TENM4: variants seen among roughly 807,000 people sequenced by gnomAD.
The protein encoded by TENM4 is teneurin-4.
In TENM4, 82 loss-of-function variants were observed where a neutral mutation model predicts 243.3. The observed-to-expected ratio is 0.34, with a 90% CI of 0.28 to 0.40. The LOEUF (loss-of-function observed/expected upper bound fraction) is 0.40. Among genes scored for constraint, TENM4 ranks in the 10% least tolerant of loss-of-function variants. The pLI is 1.00. For synonymous variants in TENM4, 1,412 were observed against 1,456.3 expected, an observed-to-expected ratio of 0.97 and a Z score of 0.69; for missense variants, 3,138 against 3,673.3, an observed-to-expected ratio of 0.85 and a Z score of 3.77.
chr11:79,074,146 A>AT (rs545929671), intron 4 of TENM4, among the ~76,000 whole-genome samples: 12 of 151,830 alleles, frequency 7.9e-5, no homozygotes, highest in Admixed American at 2.0e-4. Flanking sequence ...TTTCCTTAAA[A>AT]TTTTTTTTTC....
intron 3 of TENM4, among the ~76,000 whole-genome samples, chr11:79,202,427 G>A (rs1863757976): frequency 6.6e-6 from 1 of 152,128 alleles, no homozygotes; most frequent in South Asian, 2.1e-4. Context: ...GTTTGTGATT[G>A]TTGCAAAAAT....
chr11:79,266,497 G>A (rs893815767), intron 2 of TENM4, among the ~76,000 whole-genome samples: 1 of 152,186 alleles, frequency 6.6e-6, no homozygotes, highest in Non-Finnish European at 1.5e-5. Context: ...GAGCTCCTGT[G>A]CCCCAGAGCC....
Position 78,824,405 on chromosome 11 carries a change from T to C in TENM4, c.1682-10010A>G, listed in dbSNP as rs376847016. On this transcript the variant is annotated intron_variant, in intron 12 of 33. Transcript: ENST00000278550. ...CAGATCTCGGGAGAACTCACTATCA[T>C]GAGGACAGTACCGAGGGGGATAGTA... 1.1e-3 allele frequency among the ~76,000 whole-genome samples: 163 copies of C among 152,184 alleles called. 1 individual carries two copies. In the South Asian group the frequency reaches 0.015, roughly 14 times the overall value.
intron 4 of TENM4, among the ~76,000 whole-genome samples, chr11:79,071,416 G>T (rs1860412091): frequency 6.6e-6 from 1 of 152,104 alleles, no homozygotes; most frequent in Non-Finnish European, 1.5e-5. Flanking sequence ...CTTGACAGCT[G>T]GGAGGGTGGG....
chr11:78,704,828 T>C (rs1859203415), intron 27 of TENM4, among the ~76,000 whole-genome samples: 1 of 152,244 alleles, frequency 6.6e-6, no homozygotes, highest in Admixed American at 6.5e-5. Context: ...ATACATTATA[T>C]ACACACGAGT....
intron 2 of TENM4, among the ~76,000 whole-genome samples, chr11:79,292,898 A>T (rs1399379248): frequency 6.6e-6 from 1 of 152,234 alleles, no homozygotes; most frequent in Non-Finnish European, 1.5e-5. Context: ...ATAGCCATGT[A>T]GCCATTTTCA....
intron 2 of TENM4, among the ~76,000 whole-genome samples, chr11:79,250,007 A>C (rs1264857564): frequency 6.6e-6 from 1 of 152,064 alleles, no homozygotes. Context: ...CTTTTTTTAG[A>C]TGGAGTCTTG....
chr11:79,142,457 G>A (rs1862304426), intron 4 of TENM4, among the ~76,000 whole-genome samples: 1 of 151,924 alleles, frequency 6.6e-6, no homozygotes, highest in Non-Finnish European at 1.5e-5. Flanking sequence ...AATGAAAACT[G>A]TAAAACATTG....
At chr11:78,844,851 A>G (rs979050574) in intron 12 of TENM4, among the ~76,000 whole-genome samples, 27 of 152,274 alleles carry the variant, frequency 1.8e-4, no homozygotes, top group African/African-American at 6.0e-4. Flanking sequence ...TAAACCACTC[A>G]GTTTGTGGTA....
intron 2 of TENM4, among the ~76,000 whole-genome samples, chr11:79,294,568 G>T (rs1054576951): frequency 1.3e-5 from 2 of 152,118 alleles, no homozygotes; most frequent in African/African-American, 2.4e-5. Flanking sequence ...TAAGTTGGGG[G>T]CCAGGCGCGG....
Position 78,661,462 on chromosome 11 carries a change from C to T in TENM4, c.7538G>A (p.Trp2513Ter). 1 of 1,609,210 alleles carries T rather than the reference C, an allele frequency of 6.2e-7. No individual in the cohort carries two copies. The highest frequency in any genetic ancestry group is 8.5e-7 in the Non-Finnish European group (1 of 1,177,962). Residue 2513 changes from tryptophan (W) to a stop codon, truncating the protein, a stop_gained, in exon 33 of 34, where the codon TGG becomes TAG. Coordinates refer to ENST00000278550, the MANE Select transcript of TENM4 (RefSeq NM_001098816.3). LOFTEE classifies it high-confidence loss of function. ...TGCAGGAATTACCTTGCTGTTGTCC[C>T]ACTCCTGCGTTTTCATCTGTGTGTG... ...LIHTQMKTQE[W>*]DNSKSILGVQ...
Position 79,048,694 on chromosome 11 carries a change from G to A in TENM4, c.493+16044C>T, listed in dbSNP as rs540986413. Among the ~76,000 whole-genome samples, 11 of 152,226 alleles carry A rather than the reference G, an allele frequency of 7.2e-5. No individual in the cohort carries two copies. In the South Asian group the frequency reaches 8.3e-4, roughly 11 times the overall value. On this transcript the variant is annotated intron_variant, in intron 6 of 33. Coordinates refer to ENST00000278550, the MANE Select transcript of TENM4 (RefSeq NM_001098816.3). ...CCTGACCTAGCAGGAAGACTGATTC[G>A]GGGTAGCAACACCTCTGGGCCTTTT...
intron 6 of TENM4, among the ~76,000 whole-genome samples, chr11:79,030,869 C>T (rs570091835): frequency 1.3e-5 from 2 of 152,270 alleles, no homozygotes; most frequent in Admixed American, 1.3e-4. Context: ...CCCGCCAAGG[C>T]CCTGCTGGAT....
At chr11:79,181,912 T>C (rs937834750) in intron 3 of TENM4, among the ~76,000 whole-genome samples, 1 of 149,254 alleles carries the variant, frequency 6.7e-6, no homozygotes, top group African/African-American at 2.5e-5. Context: ...AATATCTATA[T>C]GAGGAAAACC....
intron 6 of TENM4, among the ~76,000 whole-genome samples, chr11:79,020,123 C>T (rs145108618): frequency 3.5e-4 from 54 of 152,278 alleles, no homozygotes; most frequent in Admixed American, 8.5e-4. Context: ...ATGGCTCTCG[C>T]TCAGGGTAAA....
chr11:78,671,951 T>C, intron 31 of TENM4, 82 bp downstream of exon 31: 7 of 1,498,874 alleles, frequency 4.7e-6, no homozygotes, highest in Non-Finnish European at 6.3e-6. Flanking sequence ...TACAGCCCAC[T>C]GAGGCCACCA....
At chr11:79,265,385 G>A (rs1044916802) in intron 2 of TENM4, among the ~76,000 whole-genome samples, 1 of 152,182 alleles carries the variant, frequency 6.6e-6, no homozygotes, top group African/African-American at 2.4e-5. Context: ...TGGAGCCCTT[G>A]AAACGCGGCT....
rs143985320 is a variant in TENM4 at position 79,102,146 on chromosome 11, A to T, written c.-65-32137T>A. ...ATTAAATGAGTTGGTATGTACAGTG[A>T]TCAGGACAGTGTCTGACAAGGAGGA... On this transcript the variant is annotated intron_variant, in intron 4 of 33. Coordinates refer to ENST00000278550, the MANE Select transcript of TENM4 (RefSeq NM_001098816.3). 5.1e-4 allele frequency among the ~76,000 whole-genome samples: 77 copies of T among 152,358 alleles called. No homozygotes were observed. In the East Asian group the frequency reaches 0.012, roughly 24 times the overall value.
chr11:79,066,730 GCGCACGCACATGCACACA>G (rs1481785804), intron 5 of TENM4, among the ~76,000 whole-genome samples: 50 of 150,718 alleles, frequency 3.3e-4, no homozygotes, highest in African/African-American at 1.2e-3. Context: ...GAGCACACAC[GCGCACGCACATGCACACA>G]CGCACGCACA....
Sources: gnomAD v4.1 joint callset for allele counts (sites outside exome capture counted in the v4.1 genomes callset) on GRCh38, gnomAD v4.1.1 for gene constraint, MANE v1.5 for transcripts, NCBI Gene and HGNC (gene_info 2026-07-23, HGNC 2026-07-21) for gene names.